RAB38: variants seen among roughly 807,000 people sequenced by gnomAD.
RAB38 encodes ras-related protein Rab-38.
A neutral mutation model predicts 18.4 loss-of-function variants in RAB38; 15 were observed. That is an observed-to-expected ratio of 0.82 (90% CI 0.55 to 1.26). The LOEUF is 1.26. Ranked by LOEUF, RAB38 falls within the 50% of genes most tolerant of loss-of-function variation. RAB38 has a pLI of 0.00. For missense variants in RAB38, 294 were observed against 267.4 expected (o/e 1.10, Z -0.69); for synonymous variants, 101 against 104.4 (o/e 0.97, Z 0.20).
chr11:87,971,955 G>A, the RAB38 span, among the ~76,000 whole-genome samples: 2 of 151,500 alleles, frequency 1.3e-5, no homozygotes, highest in Non-Finnish European at 2.9e-5. Context: ...TAAAAAGGAG[G>A]CAACAATCCA....
At chr11:87,809,421 A>C in the RAB38 span, among the ~76,000 whole-genome samples, 1 of 152,204 alleles carries the variant, frequency 6.6e-6, no homozygotes, top group Non-Finnish European at 1.5e-5. Flanking sequence ...CAGGGCTGCA[A>C]CCTGTGGCTC....
At chr11:88,034,580 G>C in the RAB38 span, among the ~76,000 whole-genome samples, 1 of 152,224 alleles carries the variant, frequency 6.6e-6, no homozygotes, top group African/African-American at 2.4e-5. Flanking sequence ...GTTTAAATTT[G>C]CATGTCACTA....
chr11:87,970,370 CATATT>C, the RAB38 span, among the ~76,000 whole-genome samples: 1 of 151,992 alleles, frequency 6.6e-6, no homozygotes, highest in East Asian at 1.9e-4. Context: ...GCCTTTATTT[CATATT>C]ATGATATTTT....
the RAB38 span, among the ~76,000 whole-genome samples, chr11:87,970,312 C>A: frequency 3.3e-5 from 5 of 152,088 alleles, no homozygotes; most frequent in Non-Finnish European, 7.4e-5. Flanking sequence ...TGTGCTTATG[C>A]AGGCCTGCCT....
chr11:88,105,121 A>G, the RAB38 span, among the ~76,000 whole-genome samples: 1 of 152,140 alleles, frequency 6.6e-6, no homozygotes, highest in Admixed American at 6.6e-5. Context: ...ATATTAATTT[A>G]TAATGTAAAT....
chr11:87,828,359 A>C, the RAB38 span, among the ~76,000 whole-genome samples: 1 of 152,078 alleles, frequency 6.6e-6, no homozygotes, highest in African/African-American at 2.4e-5. Flanking sequence ...TAGATGATCT[A>C]TTTCCATCAA....
chr11:88,030,766 A>C, the RAB38 span, among the ~76,000 whole-genome samples: 540 of 152,322 alleles, frequency 3.5e-3, 1 homozygote, highest in Non-Finnish European at 6.3e-3. Flanking sequence ...AGTCCAGGAC[A>C]AGATGGATTC....
At chr11:88,023,718 T>C in the RAB38 span, among the ~76,000 whole-genome samples, 8 of 152,076 alleles carry the variant, frequency 5.3e-5, no homozygotes. Context: ...AGGAACAGAA[T>C]AGAGAACCCA....
chr11:87,976,377 A>G, the RAB38 span, among the ~76,000 whole-genome samples: 1 of 141,024 alleles, frequency 7.1e-6, no homozygotes, highest in Non-Finnish European at 1.5e-5. Flanking sequence ...ATATACAAAT[A>G]CAAATATTTA....
At chr11:88,098,937 T>C in the RAB38 span, among the ~76,000 whole-genome samples, 1 of 151,090 alleles carries the variant, frequency 6.6e-6, no homozygotes, top group Non-Finnish European at 1.5e-5. Context: ...TATTTTTTTG[T>C]TTTCTTTTTG....
intron 2 of RAB38, among the ~76,000 whole-genome samples, chr11:88,122,318 T>G (rs1160991241): frequency 6.6e-6 from 1 of 152,240 alleles, no homozygotes; most frequent in East Asian, 1.9e-4. Context: ...TTTTTAATTG[T>G]TCTCACTGTG....
At chr11:88,125,301 G>A (rs1048301641) in intron 2 of RAB38, among the ~76,000 whole-genome samples, 4 of 151,956 alleles carry the variant, frequency 2.6e-5, no homozygotes, top group East Asian at 3.9e-4. Context: ...GATTCCAACC[G>A]AACTAGACCA....
chr11:88,112,008 T>C (rs1942480349), downstream of RAB38, among the ~76,000 whole-genome samples: 1 of 152,214 alleles, frequency 6.6e-6, no homozygotes, highest in African/African-American at 2.4e-5. Flanking sequence ...GCCAAGCCAT[T>C]CCAATAGCAT....
the RAB38 span, among the ~76,000 whole-genome samples, chr11:87,804,244 T>C: frequency 5.3e-5 from 8 of 152,174 alleles, no homozygotes; most frequent in African/African-American, 1.9e-4. Flanking sequence ...TCTACCTCTC[T>C]CCAATGAGTA....
At chr11:87,937,246 T>C in the RAB38 span, among the ~76,000 whole-genome samples, 4 of 147,784 alleles carry the variant, frequency 2.7e-5, no homozygotes, top group African/African-American at 1.0e-4. Flanking sequence ...AATATGGTAA[T>C]TGCATTAATT....
the RAB38 span, chr11:88,061,550 A>G: frequency 6.6e-6 from 1 of 152,240 alleles, no homozygotes; most frequent in African/African-American, 2.4e-5. Flanking sequence ...AAAATAGACA[A>G]CTGATTCTAA....
chr11:87,885,596 C>A, the RAB38 span, among the ~76,000 whole-genome samples: 10 of 152,124 alleles, frequency 6.6e-5, no homozygotes, highest in African/African-American at 2.4e-4. Flanking sequence ...ATAAGTTCTG[C>A]TGTACTGAAG....
At chr11:88,123,651 T>C (rs982229371) in intron 2 of RAB38, among the ~76,000 whole-genome samples, 9 of 152,184 alleles carry the variant, frequency 5.9e-5, no homozygotes, top group African/African-American at 1.7e-4. Flanking sequence ...AAAAATATTC[T>C]TTATATTCTG....
the RAB38 span, among the ~76,000 whole-genome samples, chr11:87,874,303 G>C: frequency 1.3e-5 from 2 of 151,394 alleles, no homozygotes; most frequent in African/African-American, 4.8e-5. Flanking sequence ...AAAGTGAAGA[G>C]AAAATCACAG....
Sources: allele counts gnomAD v4.1 joint callset (sites outside exome capture counted in the v4.1 genomes callset), GRCh38; gene constraint gnomAD v4.1.1; transcripts MANE v1.5; gene names NCBI Gene and HGNC (gene_info 2026-07-23, HGNC 2026-07-21).